The following CRACD variants were observed in gnomAD, a reference collection of about 807,000 sequenced individuals.
CRACD encodes capping protein inhibiting regulator of actin dynamics, also known as capping protein-inhibiting regulator of actin dynamics.
Under a neutral mutation model 106.8 loss-of-function variants are expected in CRACD, and 56 were observed. That is an observed-to-expected ratio of 0.52 (90% CI 0.42 to 0.66). The LOEUF is 0.66. Ranked by LOEUF, CRACD falls within the 30% of genes least tolerant of loss-of-function variation. CRACD has a pLI of 0.00. For missense variants in CRACD, 1,730 were observed against 1,623.2 expected, an observed-to-expected ratio of 1.07 and a Z score of -1.13; for synonymous variants, 754 against 670.8, an observed-to-expected ratio of 1.12 and a Z score of -1.92.
At chr4:56,302,330 G>T (rs1229965242) in intron 4 of CRACD, among the ~76,000 whole-genome samples, 1 of 152,206 alleles carries the variant, frequency 6.6e-6, no homozygotes, top group African/African-American at 2.4e-5. Flanking sequence ...GATCAGACCG[G>T]GCTGTGAGGT....
chr4:56,050,255 A>G (rs1303086712), intron 1 of CRACD, among the ~76,000 whole-genome samples: 1 of 146,646 alleles, frequency 6.8e-6, no homozygotes, highest in East Asian at 2.0e-4. Context: ...TGGGAAACTG[A>G]TCTGGTGTAG....
In CRACD at chr4:56,262,198, T is replaced by C. The variant is rs139034893; in HGVS notation, c.-188-10123T>C. 2.0e-3 allele frequency among the ~76,000 whole-genome samples: 303 copies of C among 152,300 alleles called. 2 individuals carry two copies. The highest frequency in any genetic ancestry group is 6.8e-3 in the African/African-American group (284 of 41,570). Reference sequence around the variant, plus strand: ...GGAGGGGTTGCAGCTTGTGCAATATTGTGAGGTGATGGAAGGAGAGTCATC... The same window carrying C: ...GGAGGGGTTGCAGCTTGTGCAATATCGTGAGGTGATGGAAGGAGAGTCATC... On this transcript the variant is annotated intron_variant, in intron 2 of 10. Transcript: ENST00000682029.
chr4:56,298,444 T>C (rs1257318415), intron 4 of CRACD, 95 bp downstream of exon 4: 5 of 1,467,832 alleles, frequency 3.4e-6, no homozygotes, highest in South Asian at 2.5e-5. Flanking sequence ...GAGTAATGGA[T>C]TGGGAGGTCC....
chr4:56,093,519 T>C (rs2109823019), intron 1 of CRACD, among the ~76,000 whole-genome samples: 1 of 152,330 alleles, frequency 6.6e-6, no homozygotes, highest in South Asian at 2.1e-4. Flanking sequence ...CCTGGGCACA[T>C]GGAACCTGGC....
intron 1 of CRACD, among the ~76,000 whole-genome samples, chr4:56,094,692 G>T (rs1733536691): frequency 6.6e-6 from 1 of 152,082 alleles, no homozygotes; most frequent in African/African-American, 2.4e-5. Context: ...GGCCTCAAGT[G>T]ATCTGCCTGC....
chr4:56,057,506 G>T (rs1341683691), intron 1 of CRACD, among the ~76,000 whole-genome samples: 1 of 152,078 alleles, frequency 6.6e-6, no homozygotes, highest in Non-Finnish European at 1.5e-5. Context: ...TAGGTCAGAG[G>T]TCCTGCATTA....
chr4:56,065,127 G>A (rs922286971), intron 1 of CRACD, among the ~76,000 whole-genome samples: 3 of 150,756 alleles, frequency 2.0e-5, no homozygotes, highest in Admixed American at 6.7e-5. Context: ...TTGCTCTGTC[G>A]CCCAGGCTGT....
intron 2 of CRACD, among the ~76,000 whole-genome samples, chr4:56,269,884 G>A (rs1230740152): frequency 6.6e-6 from 1 of 152,128 alleles, no homozygotes; most frequent in Non-Finnish European, 1.5e-5. Context: ...AATTCAACAT[G>A]AGATGTAGAG....
intron 1 of CRACD, among the ~76,000 whole-genome samples, chr4:56,119,707 C>A (rs1412241888): frequency 6.6e-6 from 1 of 152,122 alleles, no homozygotes; most frequent in Non-Finnish European, 1.5e-5. Context: ...CAGTTGATGA[C>A]TTCTGGAAAG....
intron 3 of CRACD, among the ~76,000 whole-genome samples, chr4:56,273,559 A>G (rs1296224692): frequency 1.3e-5 from 2 of 152,190 alleles, no homozygotes; most frequent in African/African-American, 4.8e-5. Flanking sequence ...AGTCAGTATC[A>G]GAGCTGGTTA....
At chr4:56,087,364 A>C (rs192597937) in intron 1 of CRACD, among the ~76,000 whole-genome samples, 62 of 152,292 alleles carry the variant, frequency 4.1e-4, no homozygotes, top group African/African-American at 1.4e-3. Flanking sequence ...ATGCATTTTC[A>C]GTCCTTTCCT....
At chr4:56,212,091 G>A (rs750039277) in intron 2 of CRACD, among the ~76,000 whole-genome samples, 10 of 152,116 alleles carry the variant, frequency 6.6e-5, no homozygotes, top group Non-Finnish European at 1.3e-4. Flanking sequence ...TGATGAAATG[G>A]GATGCAGTAA....
intron 8 of CRACD, among the ~76,000 whole-genome samples, chr4:56,321,522 T>C (rs1233422774): frequency 2.0e-5 from 3 of 152,256 alleles, no homozygotes; most frequent in African/African-American, 7.2e-5. Flanking sequence ...AGAATCAGAA[T>C]TCCCTTTGGT....
At chr4:56,089,145 C>T (rs1052712811) in intron 1 of CRACD, among the ~76,000 whole-genome samples, 2 of 152,174 alleles carry the variant, frequency 1.3e-5, no homozygotes, top group Non-Finnish European at 2.9e-5. Context: ...TTTAGAATGT[C>T]CCCTAAAAGT....
intron 2 of CRACD, among the ~76,000 whole-genome samples, chr4:56,202,860 A>G (rs145013926): frequency 6.6e-6 from 1 of 152,342 alleles, no homozygotes; most frequent in Non-Finnish European, 1.5e-5. Context: ...TCTATCACCT[A>G]GAGATAATAG....
At position 56,198,251 on chromosome 4, in the gene CRACD, T is replaced by G. The variant is rs1737714351; in HGVS notation, c.-189+18821T>G. 3.3e-5 allele frequency among the ~76,000 whole-genome samples: 5 copies of G among 152,300 alleles called. No homozygotes were observed. The South Asian group carries it at 1.0e-3, about 32-fold the overall frequency. The stretch of plus-strand genomic sequence containing the variant: ...CATACGTCTTAAGCTATCATTTCTT[T>G]GAAATATAAGAAAATGTGCAGCCCA... On this transcript the variant is annotated intron_variant, in intron 2 of 10. Transcript: ENST00000682029.
chr4:56,314,867 C>T lies in CRACD; in HGVS notation c.1365C>T (p.Asn455=), dbSNP rs764783244. ...AGCCAGGTATTTGCGAGGAGCAGAA[C>T]CCAGAGGCCGAGCGGCGAAGAGAGC... ...SEEPGICEEQ[N]PEAERRREQQ... Residue 455 remains asparagine, a synonymous_variant, in exon 8 of 11, where the codon AAC becomes AAT. Coordinates refer to ENST00000682029, the MANE Select transcript of CRACD (RefSeq NM_001393381.1). This position sits in a 1 kb window ranked among gnomAD's most constrained non-coding sequence, Gnocchi z 4.4. 1 of 1,612,186 alleles carries T rather than the reference C, an allele frequency of 6.2e-7. No individual in the cohort carries two copies. Among genetic ancestry groups the T allele is most frequent in the Non-Finnish European group, 8.5e-7 (1 of 1,179,592 alleles).
intron 1 of CRACD, among the ~76,000 whole-genome samples, chr4:56,163,378 A>G (rs1014537351): frequency 1.3e-5 from 2 of 152,182 alleles, no homozygotes; most frequent in Admixed American, 1.3e-4. Context: ...TGGTTTGTGT[A>G]AAATATTTTG....
intron 1 of CRACD, among the ~76,000 whole-genome samples, chr4:56,071,989 G>A (rs1472298186): frequency 4.0e-5 from 6 of 151,842 alleles, no homozygotes; most frequent in Non-Finnish European, 7.4e-5. Context: ...TTAGCCGGGC[G>A]TGGTGGCGGG....
Sources: gnomAD v4.1 joint callset for allele counts (sites outside exome capture counted in the v4.1 genomes callset) on GRCh38, gnomAD v4.1.1 for gene constraint, Gnocchi (gnomAD v3.1) non-coding constraint, MANE v1.5 for transcripts, NCBI Gene and HGNC (gene_info 2026-07-23, HGNC 2026-07-21) for gene names.